Variants in PTPRD observed in about 807,000 individuals in gnomAD.
PTPRD encodes receptor-type tyrosine-protein phosphatase delta.
In PTPRD, 34 loss-of-function variants were observed where a neutral mutation model predicts 214.5. The observed-to-expected ratio is 0.16, with a 90% CI of 0.12 to 0.21. The LOEUF is 0.21. Among genes scored for constraint, PTPRD ranks in the 10% least tolerant of loss-of-function variants. The pLI is 1.00. For missense variants in PTPRD, 2,545 were observed against 2,398.7 expected, an observed-to-expected ratio of 1.06 and a Z score of -1.27; for synonymous variants, 1,128 against 845.7, an observed-to-expected ratio of 1.33 and a Z score of -5.79.
chr9:9,037,668 T>G (rs2099626304), intron 10 of PTPRD, among the ~76,000 whole-genome samples: 1 of 152,186 alleles, frequency 6.6e-6, no homozygotes, highest in South Asian at 2.1e-4. Context: ...GTCTTTCCCT[T>G]CTTTACAAGA....
chr9:9,707,401 T>C (rs1005636471), intron 7 of PTPRD, among the ~76,000 whole-genome samples: 1 of 152,212 alleles, frequency 6.6e-6, no homozygotes, highest in African/African-American at 2.4e-5. Flanking sequence ...ATATATTTCA[T>C]TTGTAATCCC....
rs72696625 is a variant in PTPRD, at chr9:8,546,456, C to G, written c.353-17677G>C. 3.6e-3 allele frequency among the ~76,000 whole-genome samples: 541 copies of G among 152,126 alleles called. 1 individual carries two copies. The highest frequency in any genetic ancestry group is 4.7e-3 in the African/African-American group (196 of 41,510). On this transcript the variant is annotated intron_variant, in intron 14 of 45. Transcript: ENST00000381196. ...TCAAGAACTATGGGAGAGAACTTTT[C>G]CCCTGGTTTCAGGGGAATATTATGG... is the stretch of plus-strand genomic sequence containing the variant.
chr9:10,533,548 A>G (rs1341053885), intron 2 of PTPRD, among the ~76,000 whole-genome samples: 1 of 151,792 alleles, frequency 6.6e-6, no homozygotes, highest in Non-Finnish European at 1.5e-5. Flanking sequence ...TTTTTCAGTA[A>G]TGTATTAAAG....
intron 2 of PTPRD, among the ~76,000 whole-genome samples, chr9:10,516,452 C>T (rs2050144364): frequency 6.6e-6 from 1 of 151,786 alleles, no homozygotes; most frequent in South Asian, 2.1e-4. Context: ...GTAGGAGTTC[C>T]TTATGTATAT....
intron 11 of PTPRD, among the ~76,000 whole-genome samples, chr9:8,824,744 GT>G: frequency 6.6e-6 from 1 of 151,950 alleles, no homozygotes; most frequent in Non-Finnish European, 1.5e-5. Flanking sequence ...ATTCCTTTTG[GT>G]TTTTTTTGAG....
At chr9:8,710,324 T>C (rs1260357364) in intron 12 of PTPRD, among the ~76,000 whole-genome samples, 2 of 152,050 alleles carry the variant, frequency 1.3e-5, no homozygotes, top group African/African-American at 4.8e-5. Flanking sequence ...CAAGAGGATA[T>C]TAAAAAATAA....
At chr9:9,633,716 G>T (rs1301242539) in intron 7 of PTPRD, among the ~76,000 whole-genome samples, 1 of 152,114 alleles carries the variant, frequency 6.6e-6, no homozygotes, top group East Asian at 1.9e-4. Context: ...ATAGGGTAAG[G>T]CTCAATGAAG....
rs535204036 is a variant in PTPRD at position 9,614,243 on chromosome 9, A to G, written c.-286-39462T>C. ...TTTGTGGATCAATGCTGACCTGATT[A>G]CCAGTGTGATACATTCAAATACCAT... On this transcript the variant is annotated intron_variant, in intron 7 of 45. Coordinates refer to ENST00000381196, the MANE Select transcript of PTPRD (RefSeq NM_002839.4). 3.3e-5 allele frequency among the ~76,000 whole-genome samples: 5 copies of G among 152,236 alleles called. No homozygotes were observed. In the East Asian group the frequency reaches 9.6e-4, roughly 29 times the overall value.
At chr9:8,880,359 C>T (rs1031692112) in intron 11 of PTPRD, among the ~76,000 whole-genome samples, 1 of 152,152 alleles carries the variant, frequency 6.6e-6, no homozygotes, top group Admixed American at 6.5e-5. Flanking sequence ...TCTGGCGCAT[C>T]CTCCCTTAGT....
Position 8,487,156 on chromosome 9 carries a change from A to T in PTPRD, c.2468-807T>A, listed in dbSNP as rs565553537. On this transcript the variant is annotated intron_variant, in intron 27 of 45. Coordinates refer to ENST00000381196, the MANE Select transcript of PTPRD (RefSeq NM_002839.4). ...TTGTTCTTATGAATAATAAATGAGG[A>T]AATTCATGTAAAAGTCTTAGCATGA... 3.3e-5 allele frequency among the ~76,000 whole-genome samples: 5 copies of T among 152,356 alleles called. No individual in the cohort carries two copies. In the East Asian group the frequency reaches 9.6e-4, roughly 29 times the overall value.
chr9:10,248,459 A>G (rs1281501103), intron 3 of PTPRD, among the ~76,000 whole-genome samples: 4 of 146,428 alleles, frequency 2.7e-5, no homozygotes, highest in African/African-American at 5.1e-5. Flanking sequence ...TACTTTTCCA[A>G]CATGGATCGT....
At chr9:9,372,815 C>T (rs1425156249) in intron 9 of PTPRD, among the ~76,000 whole-genome samples, 1 of 152,008 alleles carries the variant, frequency 6.6e-6, no homozygotes, top group Non-Finnish European at 1.5e-5. Context: ...CTGGTGGTGA[C>T]AAAATCTCTC....
chr9:8,915,219 G>C (rs999478167), intron 11 of PTPRD, among the ~76,000 whole-genome samples: 1 of 152,066 alleles, frequency 6.6e-6, no homozygotes, highest in African/African-American at 2.4e-5. Context: ...TGTGTGTGAC[G>C]AGGAGGCATC....
intron 3 of PTPRD, among the ~76,000 whole-genome samples, chr9:10,083,009 C>T (rs1486177797): frequency 6.6e-6 from 1 of 151,966 alleles, no homozygotes; most frequent in African/African-American, 2.4e-5. Flanking sequence ...TAAAGACTTT[C>T]TCCCTCTTTA....
intron 14 of PTPRD, among the ~76,000 whole-genome samples, chr9:8,578,935 T>C (rs538167392): frequency 1.1e-3 from 174 of 152,342 alleles, no homozygotes; most frequent in Non-Finnish European, 1.9e-3. Flanking sequence ...TGTGTACTAC[T>C]TCTGTCACTG....
At chr9:9,655,920 G>C (rs1490793131) in intron 7 of PTPRD, among the ~76,000 whole-genome samples, 1 of 152,168 alleles carries the variant, frequency 6.6e-6, no homozygotes, top group Non-Finnish European at 1.5e-5. Flanking sequence ...GGAGGTTGCA[G>C]TGAACCGAGA....
At chr9:8,506,722 C>T (rs553135899) in intron 22 of PTPRD, among the ~76,000 whole-genome samples, 1 of 152,316 alleles carries the variant, frequency 6.6e-6, no homozygotes, top group Non-Finnish European at 1.5e-5. Flanking sequence ...ATTTTCATTT[C>T]TCTTTTCAGT....
chr9:8,646,965 T>C (rs2096707747), intron 12 of PTPRD, among the ~76,000 whole-genome samples: 1 of 152,220 alleles, frequency 6.6e-6, no homozygotes, highest in South Asian at 2.1e-4. Context: ...ATTACACGTA[T>C]ATTTGTTTAT....
At chr9:8,868,898 G>T (rs1268404427) in intron 11 of PTPRD, among the ~76,000 whole-genome samples, 1 of 152,088 alleles carries the variant, frequency 6.6e-6, no homozygotes, top group Non-Finnish European at 1.5e-5. Flanking sequence ...AAGAATGTGG[G>T]CTATGAGCAA....
Sources: gnomAD v4.1 joint callset for allele counts (sites outside exome capture counted in the v4.1 genomes callset) on GRCh38, gnomAD v4.1.1 for gene constraint, MANE v1.5 for transcripts, NCBI Gene and HGNC (gene_info 2026-07-23, HGNC 2026-07-21) for gene names.